Variants in SLTM observed in about 807,000 individuals in gnomAD.
SLTM encodes the protein SAFB-like transcription modulator.
SLTM carries 43 observed loss-of-function variants against 134.6 expected under a neutral mutation model. That is an observed-to-expected ratio of 0.32 (90% confidence interval 0.25 to 0.41). The LOEUF (loss-of-function observed/expected upper bound fraction) is 0.41. SLTM is among the 10% of genes least tolerant of loss of function. The pLI, the probability that SLTM is intolerant of heterozygous loss-of-function variation, is 1.00. For missense variants in SLTM, 1,055 were observed against 1,288.8 expected, an observed-to-expected ratio of 0.82 and a Z score of 2.78; for synonymous variants, 424 against 432.3, an observed-to-expected ratio of 0.98 and a Z score of 0.24.
At chr15:58,927,593 G>A (rs1350060751) in intron 2 of SLTM, among the ~76,000 whole-genome samples, 1 of 152,140 alleles carries the variant, frequency 6.6e-6, no homozygotes, top group Non-Finnish European at 1.5e-5. Context: ...TCTAAAAGCA[G>A]TTAAGAAAGC....
At chr15:58,911,577 G>A (rs575746205) in intron 5 of SLTM, among the ~76,000 whole-genome samples, 1 of 151,974 alleles carries the variant, frequency 6.6e-6, no homozygotes, top group Non-Finnish European at 1.5e-5. Context: ...AACCCTCTCT[G>A]GTTTTTATAA....
At chr15:58,887,173 T>A in intron 18 of SLTM, 53 bp downstream of exon 18, 3 of 1,612,276 alleles carry the variant, frequency 1.9e-6, no homozygotes, top group East Asian at 4.5e-5. Flanking sequence ...CTTAACTTTT[T>A]TTAACCCCAA....
intron 2 of SLTM, among the ~76,000 whole-genome samples, chr15:58,926,577 G>A (rs767385592): frequency 6.6e-6 from 1 of 151,492 alleles, no homozygotes; most frequent in African/African-American, 2.4e-5. Flanking sequence ...GTGGGATTAC[G>A]GGTAATCTTC....
At position 58,897,434 on chromosome 15, in the gene SLTM, T is replaced by C. The variant is rs544403008; in HGVS notation, c.1109-201A>G. 1.7e-4 allele frequency: 80 copies of C among 479,834 alleles called. 1 individual carries two copies. Among genetic ancestry groups the C allele is most frequent in the Admixed American group, 2.8e-4 (8 of 28,896 alleles). The allele number at this position is 479,834 out of a possible 1,614,324, so 29.7% of individuals were successfully genotyped here. A position where few individuals can be genotyped will look rare whatever the true frequency, so the allele number is the denominator to read the frequency against. On this transcript the variant is annotated intron_variant, in intron 8 of 20. Coordinates refer to ENST00000380516, the MANE Select transcript of SLTM (RefSeq NM_024755.4). ...AATCTGAACGTATGTACATTTCCTA[T>C]TGTATGAGTTCTAAGTTGAAGAGGG...
At chr15:58,906,028 C>A (rs556397969) in intron 5 of SLTM, among the ~76,000 whole-genome samples, 1 of 152,120 alleles carries the variant, frequency 6.6e-6, no homozygotes, top group Non-Finnish European at 1.5e-5. Context: ...ATGAACCACA[C>A]GTAAATGCCT....
chr15:58,913,447 A>T, intron 4 of SLTM, 52 bp downstream of exon 4: 1 of 1,425,460 alleles, frequency 7.0e-7, no homozygotes, highest in Non-Finnish European at 9.5e-7. Flanking sequence ...ACTTTTTATT[A>T]TTTAAAACTT....
At chr15:58,921,023 T>C (rs1312486596) in intron 2 of SLTM, among the ~76,000 whole-genome samples, 1 of 152,180 alleles carries the variant, frequency 6.6e-6, no homozygotes, top group African/African-American at 2.4e-5. Context: ...CTCAGCATAA[T>C]GACAAATTGC....
intron 2 of SLTM, among the ~76,000 whole-genome samples, chr15:58,927,675 G>C (rs1157294556): frequency 6.6e-6 from 1 of 152,172 alleles, no homozygotes; most frequent in African/African-American, 2.4e-5. Context: ...CTCTACACCA[G>C]GCATTACAGA....
chr15:58,914,034 T>C (rs2141130841), intron 3 of SLTM, among the ~76,000 whole-genome samples: 1 of 152,356 alleles, frequency 6.6e-6, no homozygotes, highest in South Asian at 2.1e-4. Context: ...CCATGTGCCA[T>C]ATGTTGATTT....
chr15:58,931,158 T>C (rs8026877), intron 2 of SLTM, among the ~76,000 whole-genome samples: 4 of 152,220 alleles, frequency 2.6e-5, no homozygotes, highest in Admixed American at 6.5e-5. Context: ...CTTCTTTAAA[T>C]ACAGAAAATG....
At chr15:58,889,860 A>G (rs1225233874) in intron 15 of SLTM, 2 of 358,940 alleles carry the variant, frequency 5.6e-6, no homozygotes, top group East Asian at 5.8e-5. Context: ...CTTAATATGC[A>G]TGGAGACTAA....
chr15:58,931,594 T>G (rs545614767), intron 2 of SLTM, among the ~76,000 whole-genome samples: 93 of 152,186 alleles, frequency 6.1e-4, no homozygotes, highest in Non-Finnish European at 1.2e-3. Context: ...ACTGTCCTTA[T>G]AGGAGGGAGA....
At chr15:58,907,892 A>G (rs1338729193) in intron 5 of SLTM, among the ~76,000 whole-genome samples, 2 of 152,132 alleles carry the variant, frequency 1.3e-5, no homozygotes, top group African/African-American at 2.4e-5. Flanking sequence ...AATCTGAACT[A>G]AAGTCTACCT....
intron 19 of SLTM, among the ~76,000 whole-genome samples, chr15:58,884,838 T>C (rs2034051560): frequency 6.6e-6 from 1 of 152,202 alleles, no homozygotes; most frequent in East Asian, 1.9e-4. Context: ...TCTCACTATA[T>C]TGTCCAAGCT....
chr15:58,919,790 A>G (rs568887013), intron 2 of SLTM, among the ~76,000 whole-genome samples: 8 of 152,300 alleles, frequency 5.3e-5, no homozygotes, highest in Non-Finnish European at 7.3e-5. Context: ...GCACTTAAAA[A>G]AAATTTCAGT....
intron 4 of SLTM, 198 bp from the exon 5 acceptor site, chr15:58,912,808 A>C: frequency 1.9e-6 from 1 of 513,530 alleles, no homozygotes; most frequent in East Asian, 3.4e-5. Context: ...AGAGAATTAG[A>C]AATATTTCTC....
At position 58,922,587 on chromosome 15, in the gene SLTM, AAT is replaced by A. The variant is rs1308814556; in HGVS notation, c.251-5590_251-5589del. ...TATAATATATATTATATACGTATAAAATATATATTATATACGTATAAAATATA... is the reference window on the plus strand; with the variant it reads ...TATAATATATATTATATACGTATAAAATATATTATATACGTATAAAATATA... On this transcript the variant is annotated intron_variant, in intron 2 of 20. Coordinates refer to ENST00000380516, the MANE Select transcript of SLTM (RefSeq NM_024755.4). 7.8e-4 allele frequency among the ~76,000 whole-genome samples: 113 copies of A among 145,770 alleles called. 1 individual carries two copies. The South Asian group carries it at 0.013, about 17-fold the overall frequency.
intron 14 of SLTM, among the ~76,000 whole-genome samples, chr15:58,891,610 TACA>T (rs2034648165): frequency 6.6e-6 from 1 of 152,182 alleles, no homozygotes; most frequent in Non-Finnish European, 1.5e-5. Flanking sequence ...TTAAATGACA[TACA>T]ACGTCAGTCT....
In SLTM at chr15:58,899,979, T is replaced by G; in HGVS notation, c.590-42A>C. 1 of 1,472,150 alleles carries G rather than the reference T, an allele frequency of 6.8e-7. No individual in the cohort carries two copies. The highest frequency in any genetic ancestry group is 9.3e-7 in the Non-Finnish European group (1 of 1,077,380). 91.2% of individuals were successfully genotyped at this position (1,472,150 alleles called of 1,614,324 possible). ...GGAATAAATATGGCAAAACAAGAAG[T>G]TTAAACAATTTCATATTCATAAGCT... On this transcript the variant is annotated intron_variant, in intron 6 of 20. Coordinates refer to ENST00000380516, the MANE Select transcript of SLTM (RefSeq NM_024755.4). The surrounding 1 kb of genome is among the most constrained non-coding windows in gnomAD (Gnocchi z 5.0).
Sources: gnomAD v4.1 joint callset for allele counts (sites outside exome capture counted in the v4.1 genomes callset) on GRCh38, gnomAD v4.1.1 for gene constraint, Gnocchi (gnomAD v3.1) non-coding constraint, MANE v1.5 for transcripts, NCBI Gene and HGNC (gene_info 2026-07-23, HGNC 2026-07-21) for gene names.